Variants in VWA3A observed in about 807,000 individuals in gnomAD.
VWA3A encodes von Willebrand factor A domain containing 3A, also known as von Willebrand factor A domain-containing protein 3A.
A neutral mutation model predicts 160.4 loss-of-function variants in VWA3A; 134 were observed. That is an observed-to-expected ratio of 0.84 (90% CI 0.73 to 0.96). The LOEUF (loss-of-function observed/expected upper bound fraction) is 0.96. Among genes scored for constraint, VWA3A ranks in the 40% least tolerant of loss-of-function variants. The pLI, the probability that VWA3A is intolerant of heterozygous loss-of-function variation, is 0.00. For synonymous variants in VWA3A, 476 were observed against 543.4 expected, an observed-to-expected ratio of 0.88 and a Z score of 1.72; for missense variants, 1,310 against 1,447.9, an observed-to-expected ratio of 0.90 and a Z score of 1.55.
At position 22,117,318 on chromosome 16, in the gene VWA3A, A is replaced by T. The variant is rs1364735834; in HGVS notation, c.990+142A>T. ...GTCCCCACCTGTATTCAATGAGGTT[A>T]CACAGGTAAAATCAGGTTAGAATGA... On this transcript the variant is annotated intron_variant, in intron 11 of 33. Transcript: ENST00000389398. 3.4e-6 allele frequency: 3 copies of T among 890,664 alleles called. No individual in the cohort carries two copies. In the African/African-American group the frequency reaches 5.1e-5, roughly 15 times the overall value. The allele number at this position is 890,664 out of a possible 1,614,324, so 55.2% of individuals were successfully genotyped here.
At chr16:22,119,912 G>A (rs2045704791) in intron 12 of VWA3A, among the ~76,000 whole-genome samples, 1 of 151,816 alleles carries the variant, frequency 6.6e-6, no homozygotes, top group Non-Finnish European at 1.5e-5. Flanking sequence ...CAGCTACATG[G>A]GAGGCTGATT....
Position 22,123,061 on chromosome 16 carries a change from C to T in VWA3A, c.1357-24C>T. 2 of 1,577,918 alleles carry T rather than the reference C, an allele frequency of 1.3e-6. 1 individual carries two copies. Among genetic ancestry groups the T allele is most frequent in the South Asian group, 2.3e-5 (2 of 86,360 alleles). On this transcript the variant is annotated intron_variant, in intron 14 of 33. Transcript: ENST00000389398. ...CATGTACTTCTGTTCGCCTGCTCACCCTCCTGCCCATGCCTGAGTATAGAA... is the reference window on the plus strand; with the variant it reads ...CATGTACTTCTGTTCGCCTGCTCACTCTCCTGCCCATGCCTGAGTATAGAA...
At chr16:22,094,545 A>G (rs1400985214) in intron 1 of VWA3A, among the ~76,000 whole-genome samples, 1 of 151,954 alleles carries the variant, frequency 6.6e-6, no homozygotes, top group Admixed American at 6.6e-5. Context: ...GTTGCAAATA[A>G]CAGAAAGCTA....
rs765518410 is a variant in VWA3A at position 22,150,826 on chromosome 16, T to G, written c.3261T>G (p.Ile1087Met). 1 of 1,613,478 alleles carries G rather than the reference T, an allele frequency of 6.2e-7. No individual in the cohort carries two copies. The highest frequency in any genetic ancestry group is 8.5e-7 in the Non-Finnish European group (1 of 1,179,692). ...AAAGAGATGTGAAAGTGCACACCAT[T>G]TCCTTGAACTGCTCAGACAGGTGCG... ...REKRDVKVHT[I>M]SLNCSDRAAV... is the part of the protein sequence containing the mutation. The change falls in exon 30 of 34, where the codon ATT becomes ATG. Residue 1087 changes from isoleucine to methionine, a missense_variant. Transcript: ENST00000389398.
Position 22,155,636 on chromosome 16 carries a change from A to G in VWA3A, c.3475A>G (p.Ser1159Gly), listed in dbSNP as rs1397945083. ...ILAQEITKARSFLWQAQSFRS... is the reference protein window; with the variant it reads ...ILAQEITKARGFLWQAQSFRS... ...GGCCCAGGAGATCACCAAGGCCAGA[A>G]GCTTCCTCTGGCAGGCCCAATCCTT... Residue 1159 changes from serine (S) to glycine (G), a missense_variant, in exon 32 of 34, where the codon AGC becomes GGC. Physicochemically the swap from Ser to Gly is moderately conservative, Grantham distance 56 (BLOSUM62 0). Coordinates refer to ENST00000389398, the MANE Select transcript of VWA3A (RefSeq NM_173615.5). 6.2e-7 allele frequency: 1 copy of G among 1,613,970 alleles called. No individual in the cohort carries two copies. The highest frequency in any genetic ancestry group is 8.5e-7 in the Non-Finnish European group (1 of 1,179,876).
chr16:22,135,664 C>A (rs1052848590), intron 21 of VWA3A, among the ~76,000 whole-genome samples: 1 of 152,182 alleles, frequency 6.6e-6, no homozygotes, highest in Non-Finnish European at 1.5e-5. Context: ...GTTCCTTAAA[C>A]ACGTCAAGGT....
chr16:22,116,273 AAAAGAAGAAGGAAGG>A, intron 9 of VWA3A: 1 of 414,914 alleles, frequency 2.4e-6, no homozygotes, highest in Non-Finnish European at 4.6e-6. Flanking sequence ...AAAGAAAAAG[AAAAGAAGAAGGAAGG>A]AAAGAAGGAA....
At position 22,097,635 on chromosome 16, in the gene VWA3A, T is replaced by C. The variant is rs891496833; in HGVS notation, c.165T>C (p.Leu55=). 4 of 1,551,724 alleles carry C rather than the reference T, an allele frequency of 2.6e-6. No individual in the cohort carries two copies. In the African/African-American group the frequency reaches 5.5e-5, roughly 21 times the overall value. The change falls in exon 3 of 34, where the codon CTT becomes CTC. Residue 55 remains leucine (L), a synonymous_variant. Coordinates refer to ENST00000389398, the MANE Select transcript of VWA3A (RefSeq NM_173615.5). ...KPLKQKNMNG[L]GQNSDNGLLV... ...TAAAGCAGAAGAATATGAATGGACT[T>C]GGGCAAAATTCGGACAATGGATTAT...
intron 23 of VWA3A, 100 bp from the exon 24 acceptor site, chr16:22,141,482 G>A (rs896339103): frequency 7.3e-6 from 8 of 1,094,942 alleles, no homozygotes; most frequent in Middle Eastern, 4.2e-4. Flanking sequence ...ATTTCCTGGG[G>A]TGGAGTATAG....
At chr16:22,112,714 C>A (rs187878421) in intron 8 of VWA3A, among the ~76,000 whole-genome samples, 71 of 152,114 alleles carry the variant, frequency 4.7e-4, no homozygotes, top group African/African-American at 1.7e-3. Flanking sequence ...CAGAGAGAGA[C>A]CCTGTCTCCA....
intron 6 of VWA3A, among the ~76,000 whole-genome samples, chr16:22,103,775 A>C (rs149881330): frequency 6.6e-6 from 1 of 152,172 alleles, no homozygotes; most frequent in Non-Finnish European, 1.5e-5. Flanking sequence ...CTCTTCAGGC[A>C]TAGGAAGGTG....
At chr16:22,118,701 A>G (rs536440139) in intron 11 of VWA3A, among the ~76,000 whole-genome samples, 2 of 152,314 alleles carry the variant, frequency 1.3e-5, no homozygotes, top group East Asian at 3.9e-4. Flanking sequence ...ACAAACAAAC[A>G]AAACACAACA....
At chr16:22,105,240 A>G (rs767474285) in intron 6 of VWA3A, among the ~76,000 whole-genome samples, 14 of 152,002 alleles carry the variant, frequency 9.2e-5, no homozygotes, top group Admixed American at 5.2e-4. Context: ...CCATCCTCGC[A>G]CCTTTGTCAA....
At chr16:22,142,883 A>G (rs1385113542) in intron 25 of VWA3A, 118 bp downstream of exon 25, 26 of 758,900 alleles carry the variant, frequency 3.4e-5, no homozygotes, top group Admixed American at 6.5e-5. Context: ...AGGCACAGTG[A>G]CTCACACCTG....
intron 27 of VWA3A, among the ~76,000 whole-genome samples, chr16:22,147,200 T>G (rs994542632): frequency 6.6e-6 from 1 of 152,088 alleles, no homozygotes; most frequent in Non-Finnish European, 1.5e-5. Flanking sequence ...CTTTATTTAT[T>G]TTTTTTAGAT....
chr16:22,146,204 G>A, intron 26 of VWA3A, 32 bp from the exon 27 acceptor site: 2 of 1,545,024 alleles, frequency 1.3e-6, no homozygotes, highest in African/African-American at 1.4e-5. Context: ...GACTGATGGG[G>A]TGGGTGCTTG....
At chr16:22,155,733 G>C (rs1032022956) in intron 32 of VWA3A, 69 bp downstream of exon 32, 1 of 1,601,244 alleles carries the variant, frequency 6.2e-7, no homozygotes, top group Non-Finnish European at 8.6e-7. Context: ...GGACCCCATC[G>C]AGAAGGGCCG....
chr16:22,123,265 C>A, intron 15 of VWA3A, 100 bp downstream of exon 15: 1 of 1,241,036 alleles, frequency 8.1e-7, no homozygotes, highest in Non-Finnish European at 1.1e-6. Flanking sequence ...TGACTCAACT[C>A]CCTCTTGTAA....
Position 22,156,330 on chromosome 16 carries a change from C to T in VWA3A, c.*313C>T, listed in dbSNP as rs372848218. ...CTTGCAAACCAACCCCCTGCCTGAA[C>T]GGTGCTTCTTGCCCCCTCTGCCTGG... On this transcript the variant is annotated 3_prime_UTR_variant, in exon 34 of 34. Coordinates refer to ENST00000389398, the MANE Select transcript of VWA3A (RefSeq NM_173615.5). The T allele has an allele frequency of 7.8e-5, 15 of 191,108 alleles. No individual in the cohort carries two copies. The highest frequency in any genetic ancestry group is 3.1e-4 in the East Asian group (2 of 6,506). The allele number at this position is 191,108 out of a possible 1,614,324, so 11.8% of individuals were successfully genotyped here. A position where few individuals can be genotyped will look rare whatever the true frequency, so the allele number is the denominator to read the frequency against.
Sources: allele counts gnomAD v4.1 joint callset (sites outside exome capture counted in the v4.1 genomes callset), GRCh38; gene constraint gnomAD v4.1.1; transcripts MANE v1.5; gene names NCBI Gene and HGNC (gene_info 2026-07-23, HGNC 2026-07-21).